KCNK13: variants seen among roughly 807,000 people sequenced by gnomAD.
KCNK13 encodes potassium two pore domain channel subfamily K member 13, also known as potassium channel subfamily K member 13.
KCNK13 carries 12 observed loss-of-function variants against 23.4 expected under a neutral mutation model. That is an observed-to-expected ratio of 0.51 (90% confidence interval 0.33 to 0.83). The LOEUF is 0.83. Ranked by LOEUF, KCNK13 falls within the 40% of genes least tolerant of loss-of-function variation. The pLI is 0.02. For synonymous variants in KCNK13, 231 were observed against 229.5 expected (o/e 1.01, Z -0.06); for missense variants, 463 against 556.3 (o/e 0.83, Z 1.69).
Position 90,092,926 on chromosome 14 carries a change from A to G in KCNK13, c.334+30387A>G, listed in dbSNP as rs2140402050. 1.3e-5 allele frequency among the ~76,000 whole-genome samples: 2 copies of G among 149,956 alleles called. 1 individual carries two copies. Among genetic ancestry groups the G allele is most frequent in the Non-Finnish European group, 2.9e-5 (2 of 67,840 alleles). Reference sequence around the variant, plus strand: ...GACCCTGTCTCCAAAAAAAAAAAAAAAAAAAAAAGCATCACGATACTCAGA... The same window carrying G: ...GACCCTGTCTCCAAAAAAAAAAAAAGAAAAAAAAGCATCACGATACTCAGA... On this transcript the variant is annotated intron_variant, in intron 1 of 1. Transcript: ENST00000282146.
At chr14:90,073,592 G>A (rs1286919) in intron 1 of KCNK13, among the ~76,000 whole-genome samples, 38,172 of 151,952 alleles carry the variant, frequency 0.25, 4,932 homozygotes, top group Non-Finnish European at 0.28. Context: ...TGTGCTCCCC[G>A]GAGCCCGTGG....
intron 1 of KCNK13, among the ~76,000 whole-genome samples, chr14:90,094,810 G>C (rs1039789719): frequency 2.0e-4 from 31 of 151,920 alleles, no homozygotes; most frequent in African/African-American, 5.8e-4. Flanking sequence ...ACCACGCCTG[G>C]CTAATTGTTT....
chr14:90,176,682 G>A (rs1055335219), intron 1 of KCNK13, among the ~76,000 whole-genome samples: 3 of 152,158 alleles, frequency 2.0e-5, no homozygotes, highest in African/African-American at 7.2e-5. Flanking sequence ...GTGTTTGACT[G>A]CAACTTGAGA....
At chr14:90,154,727 G>T (rs1196940517) in intron 1 of KCNK13, among the ~76,000 whole-genome samples, 2 of 152,212 alleles carry the variant, frequency 1.3e-5, no homozygotes, top group African/African-American at 2.4e-5. Flanking sequence ...AAGGACATTT[G>T]TAAATCACTT....
intron 1 of KCNK13, among the ~76,000 whole-genome samples, chr14:90,100,232 G>T (rs1889458588): frequency 6.6e-6 from 1 of 152,156 alleles, no homozygotes; most frequent in South Asian, 2.1e-4. Flanking sequence ...CTTCATTTAA[G>T]AACCTTGATG....
At position 90,062,627 on chromosome 14, in the gene KCNK13, C is replaced by T. The variant is rs1888959638; in HGVS notation, c.334+88C>T. 3 of 1,030,656 alleles carry T rather than the reference C, an allele frequency of 2.9e-6. No homozygotes were observed. Among genetic ancestry groups the T allele is most frequent in the South Asian group, 1.9e-5 (1 of 51,364 alleles). 63.8% of individuals were successfully genotyped at this position (1,030,656 alleles called of 1,614,324 possible). A position where few individuals can be genotyped will look rare whatever the true frequency, so the allele number is the denominator to read the frequency against. ...GGACCGACCCTCTCATCCTTTCATTCATCCATCTGGGCGCCCAGCCAGACT... is the reference window on the plus strand; with the variant it reads ...GGACCGACCCTCTCATCCTTTCATTTATCCATCTGGGCGCCCAGCCAGACT... On this transcript the variant is annotated intron_variant, in intron 1 of 1. Transcript: ENST00000282146. This position sits in a 1 kb window ranked among gnomAD's most constrained non-coding sequence, Gnocchi z 4.5.
At chr14:90,087,142 A>ATG (rs1889287988) in intron 1 of KCNK13, among the ~76,000 whole-genome samples, 1 of 113,432 alleles carries the variant, frequency 8.8e-6, no homozygotes, top group Admixed American at 8.5e-5. Flanking sequence ...ATATATATAT[A>ATG]TATATATATA....
At chr14:90,077,459 A>T (rs942188) in intron 1 of KCNK13, among the ~76,000 whole-genome samples, 92,926 of 152,048 alleles carry the variant, frequency 0.61, 29,226 homozygotes, top group African/African-American at 0.73. Context: ...CCTTAATGTT[A>T]GTTCAGAGAA....
At chr14:90,086,530 T>C (rs1257343052) in intron 1 of KCNK13, among the ~76,000 whole-genome samples, 1 of 152,204 alleles carries the variant, frequency 6.6e-6, no homozygotes, top group Non-Finnish European at 1.5e-5. Context: ...CAGTATTTCT[T>C]TTTGTCATCA....
At chr14:90,145,586 C>T (rs1890063366) in intron 1 of KCNK13, among the ~76,000 whole-genome samples, 1 of 152,048 alleles carries the variant, frequency 6.6e-6, no homozygotes, top group African/African-American at 2.4e-5. Context: ...TAATGCTGAA[C>T]TCATAGAATG....
intron 1 of KCNK13, among the ~76,000 whole-genome samples, chr14:90,088,974 T>C (rs967108777): frequency 6.6e-6 from 1 of 152,236 alleles, no homozygotes; most frequent in Non-Finnish European, 1.5e-5. Flanking sequence ...CCCAGCCATG[T>C]GGAACGTAAG....
intron 1 of KCNK13, among the ~76,000 whole-genome samples, chr14:90,137,966 G>A (rs1338675237): frequency 6.6e-6 from 1 of 152,156 alleles, no homozygotes; most frequent in East Asian, 1.9e-4. Flanking sequence ...TATCTATGGT[G>A]GAGTAGGGAG....
intron 1 of KCNK13, among the ~76,000 whole-genome samples, chr14:90,157,923 G>T (rs1890213432): frequency 6.6e-6 from 1 of 152,006 alleles, no homozygotes; most frequent in South Asian, 2.1e-4. Flanking sequence ...CTGGTCTCGA[G>T]CTCCTGATCT....
intron 1 of KCNK13, among the ~76,000 whole-genome samples, chr14:90,109,567 C>G (rs1384874506): frequency 3.3e-5 from 5 of 151,588 alleles, no homozygotes; most frequent in Non-Finnish European, 5.9e-5. Context: ...CACCACCACG[C>G]CTGGCTAATT....
At chr14:90,156,279 G>A (rs1414765669) in intron 1 of KCNK13, among the ~76,000 whole-genome samples, 1 of 151,508 alleles carries the variant, frequency 6.6e-6, no homozygotes, top group Non-Finnish European at 1.5e-5. Context: ...TATCATCAAG[G>A]GAACGAACAG....
chr14:90,089,969 A>T (rs1034662413), intron 1 of KCNK13, among the ~76,000 whole-genome samples: 4 of 152,196 alleles, frequency 2.6e-5, no homozygotes, highest in Admixed American at 2.6e-4. Context: ...TCCAGGTGGA[A>T]GTTTGCTTGA....
chr14:90,184,878 T>A lies in KCNK13; in HGVS notation c.1102T>A (p.Ser368Thr). 2 of 1,613,826 alleles carry A rather than the reference T, an allele frequency of 1.2e-6. No individual in the cohort carries two copies. The highest frequency in any genetic ancestry group is 1.3e-5 in the African/African-American group (1 of 75,024). Residue 368 changes from serine to threonine, a missense_variant, in exon 2 of 2, where the codon TCT becomes ACT. By Grantham distance (58) the Ser-to-Thr change is moderately conservative. This residue lies in a region of KCNK13 where 166 missense variants were observed against 178.8 expected (regional missense o/e 0.93). Transcript: ENST00000282146. The surrounding 1 kb of genome is among the most constrained non-coding windows in gnomAD (Gnocchi z 5.6). ...ASLAILQKQLSEMANGCPHQT... is the reference protein window; with the variant it reads ...ASLAILQKQLTEMANGCPHQT... The stretch of plus-strand genomic sequence containing the variant: ...GTTGGCCATCCTGCAGAAGCAACTG[T>A]CTGAGATGGCCAACGGCTGCCCCCA...
intron 1 of KCNK13, among the ~76,000 whole-genome samples, chr14:90,101,056 A>G (rs767982725): frequency 3.9e-5 from 6 of 152,142 alleles, no homozygotes; most frequent in Non-Finnish European, 5.9e-5. Flanking sequence ...AGGTTGCAGT[A>G]TATGATGGAA....
At chr14:90,076,288 G>A (rs1376808054) in intron 1 of KCNK13, among the ~76,000 whole-genome samples, 1 of 152,266 alleles carries the variant, frequency 6.6e-6, no homozygotes, top group South Asian at 2.1e-4. Context: ...TGTGGTCCAG[G>A]GCTGATATAA....
Sources: gnomAD v4.1 joint callset for allele counts (sites outside exome capture counted in the v4.1 genomes callset) on GRCh38, gnomAD v4.1.1 for gene constraint, gnomAD v4.1.1 regional missense constraint, Gnocchi (gnomAD v3.1) non-coding constraint, MANE v1.5 for transcripts, NCBI Gene and HGNC (gene_info 2026-07-23, HGNC 2026-07-21) for gene names.